Variants in PRKD1 observed in about 807,000 individuals in gnomAD.
PRKD1 encodes protein kinase D1.
PRKD1 carries 63 observed loss-of-function variants against 95.9 expected under a neutral mutation model. The observed-to-expected ratio is 0.66, with a 90% CI of 0.54 to 0.81. The LOEUF is 0.81. PRKD1 is among the 30% of genes least tolerant of loss of function. The pLI is 0.00. For synonymous variants in PRKD1, 425 were observed against 423.1 expected (o/e 1.00, Z -0.05); for missense variants, 1,048 against 1,165.3 (o/e 0.90, Z 1.47).
intron 1 of PRKD1, among the ~76,000 whole-genome samples, chr14:29,884,048 C>T (rs1284938918): frequency 6.6e-6 from 1 of 152,106 alleles, no homozygotes; most frequent in East Asian, 1.9e-4. Context: ...TTGGTCAACT[C>T]AAAAGTGATG....
At chr14:29,842,008 A>G (rs1412886204) in intron 1 of PRKD1, among the ~76,000 whole-genome samples, 1 of 152,166 alleles carries the variant, frequency 6.6e-6, no homozygotes, top group Non-Finnish European at 1.5e-5. Context: ...TAGCCTAAAC[A>G]CACAATTAGC....
chr14:29,607,174 A>G (rs1379043891), intron 13 of PRKD1, among the ~76,000 whole-genome samples: 1 of 152,210 alleles, frequency 6.6e-6, no homozygotes, highest in Admixed American at 6.5e-5. Context: ...CTTTAGTTTG[A>G]TAACTGAAAG....
intron 1 of PRKD1, among the ~76,000 whole-genome samples, chr14:29,834,758 T>C (rs1891547073): frequency 6.6e-6 from 1 of 152,114 alleles, no homozygotes; most frequent in South Asian, 2.1e-4. Flanking sequence ...AAAACAATTA[T>C]CTCATTTTGT....
chr14:29,711,466 G>A (rs1411268952), intron 2 of PRKD1, among the ~76,000 whole-genome samples: 1 of 151,984 alleles, frequency 6.6e-6, no homozygotes, highest in East Asian at 1.9e-4. Context: ...AATGTTGTGG[G>A]GTTTCTTTTC....
rs1261117773 is a variant in PRKD1, at chr14:29,576,487, A to T, written c.*751T>A. 1 of 152,604 alleles carries T rather than the reference A, an allele frequency of 6.6e-6. No homozygotes were observed. Among genetic ancestry groups the T allele is most frequent in the Non-Finnish European group, 1.5e-5 (1 of 68,076 alleles). 9.5% of individuals were successfully genotyped at this position (152,604 alleles called of 1,614,324 possible). On this transcript the variant is annotated 3_prime_UTR_variant, in exon 18 of 18. Transcript: ENST00000331968. ...AATGAGGTGGACACATATTTTGACAAGAATATTTTTTATTATTGAAAAATA... is the reference window on the plus strand; with the variant it reads ...AATGAGGTGGACACATATTTTGACATGAATATTTTTTATTATTGAAAAATA...
intron 1 of PRKD1, among the ~76,000 whole-genome samples, chr14:29,915,948 A>G (rs1015901426): frequency 1.3e-5 from 2 of 152,254 alleles, no homozygotes; most frequent in Non-Finnish European, 1.5e-5. Flanking sequence ...AAATAGAGAT[A>G]AAATTACTAC....
At chr14:29,802,876 T>G (rs929578875) in intron 1 of PRKD1, among the ~76,000 whole-genome samples, 1 of 152,342 alleles carries the variant, frequency 6.6e-6, no homozygotes, top group South Asian at 2.1e-4. Context: ...TCACTCTAAG[T>G]TAGTATACAG....
At chr14:29,911,999 A>T (rs1045491027) in intron 1 of PRKD1, among the ~76,000 whole-genome samples, 3 of 152,156 alleles carry the variant, frequency 2.0e-5, no homozygotes, top group African/African-American at 7.2e-5. Context: ...TCCTTGGCTC[A>T]TGGCCCATTT....
At position 29,780,123 on chromosome 14, in the gene PRKD1, T is replaced by G. The variant is rs551072745; in HGVS notation, c.265-54449A>C. On this transcript the variant is annotated intron_variant, in intron 1 of 17. Transcript: ENST00000331968. ...AAACTGGATCCCTTCCTTACACCTTTTACAAAAATTAATTCAAGATGGATT... is the reference window on the plus strand; with the variant it reads ...AAACTGGATCCCTTCCTTACACCTTGTACAAAAATTAATTCAAGATGGATT... Among the ~76,000 whole-genome samples the G allele has an allele frequency of 2.4e-4, 37 of 152,114 alleles. No homozygotes were observed. In the East Asian group the frequency reaches 5.8e-3, roughly 24 times the overall value.
At chr14:29,706,062 A>G (rs1885074552) in intron 2 of PRKD1, among the ~76,000 whole-genome samples, 1 of 152,086 alleles carries the variant, frequency 6.6e-6, no homozygotes, top group Non-Finnish European at 1.5e-5. Context: ...CATTCCATCA[A>G]CAATTTATGA....
intron 13 of PRKD1, among the ~76,000 whole-genome samples, chr14:29,617,421 T>C (rs1262783081): frequency 1.3e-5 from 2 of 152,190 alleles, no homozygotes; most frequent in African/African-American, 2.4e-5. Context: ...AAAGTAGAGG[T>C]AATTTTATGA....
chr14:29,617,036 A>C (rs1878913370), intron 13 of PRKD1, among the ~76,000 whole-genome samples: 1 of 152,154 alleles, frequency 6.6e-6, no homozygotes, highest in Non-Finnish European at 1.5e-5. Flanking sequence ...TCTCACTTAT[A>C]AGTGAGAACA....
At chr14:29,624,734 C>T (rs1879503872) in intron 12 of PRKD1, among the ~76,000 whole-genome samples, 1 of 152,068 alleles carries the variant, frequency 6.6e-6, no homozygotes, top group African/African-American at 2.4e-5. Flanking sequence ...TTAGGTTCCT[C>T]ATCTACAATG....
rs180705337 is a variant in PRKD1 at position 29,839,649 on chromosome 14, G to A, written c.264+87600C>T. On this transcript the variant is annotated intron_variant, in intron 1 of 17. Coordinates refer to ENST00000331968, the MANE Select transcript of PRKD1 (RefSeq NM_002742.3). ...AGGTTCTCCATGAGGGCCCTGCCCT[G>A]AAGCAAACTTCTGCTTGGACATCCC... Among the ~76,000 whole-genome samples, 770 of 152,130 alleles carry A rather than the reference G, an allele frequency of 5.1e-3. 3 individuals carry two copies. Among genetic ancestry groups the A allele is most frequent in the African/African-American group, 0.017 (712 of 41,532 alleles).
At chr14:29,596,298 C>A (rs1181649681) in intron 16 of PRKD1, among the ~76,000 whole-genome samples, 3 of 152,204 alleles carry the variant, frequency 2.0e-5, no homozygotes. Context: ...AGCCTTTTCA[C>A]ATGGTGAACA....
At chr14:29,885,796 A>C (rs1798615504) in intron 1 of PRKD1, among the ~76,000 whole-genome samples, 1 of 129,696 alleles carries the variant, frequency 7.7e-6, no homozygotes, top group South Asian at 2.5e-4. Context: ...GTGAAACCCC[A>C]TCTTTACTAA....
chr14:29,775,969 G>C (rs1295455575), intron 1 of PRKD1, among the ~76,000 whole-genome samples: 2 of 152,146 alleles, frequency 1.3e-5, no homozygotes, highest in African/African-American at 4.8e-5. Flanking sequence ...CAATCAGGCA[G>C]CAACATTGGC....
intron 2 of PRKD1, among the ~76,000 whole-genome samples, chr14:29,697,143 A>G (rs546374646): frequency 6.6e-6 from 1 of 150,956 alleles, no homozygotes; most frequent in South Asian, 2.1e-4. Flanking sequence ...GACAGTTTGT[A>G]ACCACATGTC....
chr14:29,603,286 C>T (rs1186607090), intron 13 of PRKD1, among the ~76,000 whole-genome samples: 1 of 152,118 alleles, frequency 6.6e-6, no homozygotes, highest in Non-Finnish European at 1.5e-5. Flanking sequence ...TTTATTTTAA[C>T]ATTTATTGTA....
Sources: gnomAD v4.1 joint callset for allele counts (sites outside exome capture counted in the v4.1 genomes callset) on GRCh38, gnomAD v4.1.1 for gene constraint, MANE v1.5 for transcripts, NCBI Gene and HGNC (gene_info 2026-07-23, HGNC 2026-07-21) for gene names.